The following MYH7B variants were observed in gnomAD, a reference collection of about 807,000 sequenced individuals.
MYH7B encodes the protein myosin heavy chain 7B, also known as myosin-7B.
A neutral mutation model predicts 234.5 loss-of-function variants in MYH7B; 205 were observed. The ratio of observed to expected loss-of-function variants is 0.87; its 90% CI spans 0.78 to 0.98. The LOEUF (loss-of-function observed/expected upper bound fraction) is 0.98. Ranked by LOEUF, MYH7B falls within the 50% of genes least tolerant of loss-of-function variation. The pLI is 0.00. For missense variants in MYH7B, 2,652 were observed against 2,633.4 expected, an observed-to-expected ratio of 1.01 and a Z score of -0.15; for synonymous variants, 1,193 against 1,105.0, an observed-to-expected ratio of 1.08 and a Z score of -1.58.
intron 24 of MYH7B, among the ~76,000 whole-genome samples, chr20:34,992,330 G>A (rs1242750943): frequency 6.7e-6 from 1 of 148,184 alleles, no homozygotes; most frequent in African/African-American, 2.5e-5. Flanking sequence ...AGCTTGCAGT[G>A]AGCAGAGATC....
chr20:34,959,584 TCTC>T (rs2081673347), intron 2 of MYH7B, among the ~76,000 whole-genome samples: 1 of 151,886 alleles, frequency 6.6e-6, no homozygotes, highest in East Asian at 1.9e-4. Flanking sequence ...TTCAGGCAAT[TCTC>T]CTGCCTCAGT....
At position 34,999,925 on chromosome 20, in the gene MYH7B, C is replaced by A. The variant is rs757182085; in HGVS notation, c.4781+19C>A. ...ACCTGAGGTGTGTCCATCCTTCTCC[C>A]GTCCCCACCTCCCGAGAGCAGAAGG... On this transcript the variant is annotated intron_variant, in intron 38 of 44. Coordinates refer to ENST00000262873, the Ensembl canonical transcript of MYH7B. 1 of 1,601,188 alleles carries A rather than the reference C, an allele frequency of 6.2e-7. No homozygotes were observed. The highest frequency in any genetic ancestry group is 1.7e-5 in the Admixed American group (1 of 59,674).
At chr20:34,989,214 G>T (rs910936630) in intron 19 of MYH7B, among the ~76,000 whole-genome samples, 2 of 152,242 alleles carry the variant, frequency 1.3e-5, no homozygotes, top group African/African-American at 2.4e-5. Context: ...TGCAGTGGAT[G>T]AGTTTCATAC....
At chr20:34,989,235 T>G (rs1481774209) in intron 19 of MYH7B, among the ~76,000 whole-genome samples, 1 of 152,248 alleles carries the variant, frequency 6.6e-6, no homozygotes, top group Admixed American at 6.5e-5. Context: ...GATGCATTTC[T>G]GCAGTCCCCT....
At chr20:34,975,654 T>C (rs2081843201) in intron 3 of MYH7B, among the ~76,000 whole-genome samples, 155 bp downstream of exon 3, 1 of 152,226 alleles carries the variant, frequency 6.6e-6, no homozygotes, top group Non-Finnish European at 1.5e-5. Flanking sequence ...GGAGACACAC[T>C]GTAGGACTAA....
intron 2 of MYH7B, among the ~76,000 whole-genome samples, chr20:34,964,804 A>C (rs2081728815): frequency 6.6e-6 from 1 of 152,166 alleles, no homozygotes; most frequent in African/African-American, 2.4e-5. Flanking sequence ...TAAGGATGAG[A>C]GGTCACAGTG....
chr20:34,989,945 C>T, intron 20 of MYH7B, 26 bp downstream of exon 20: 1 of 1,612,842 alleles, frequency 6.2e-7, no homozygotes, highest in Non-Finnish European at 8.5e-7. Flanking sequence ...AACCCCAGCC[C>T]TCGGCCAGGC....
rs1255622130 is a variant in MYH7B at position 34,965,339 on chromosome 20, GA to G, written c.-222+7128del. Among the ~76,000 whole-genome samples, 3 of 152,288 alleles carry G rather than the reference GA, an allele frequency of 2.0e-5. No homozygotes were observed. The East Asian group carries it at 5.8e-4, about 29-fold the overall frequency. ...GCCGAATCCACTAGAGCAAAGAAAA[GA>G]GAGGCTTGCCCAGGCTTGGGTGAGA... is the stretch of plus-strand genomic sequence containing the variant. On this transcript the variant is annotated intron_variant, in intron 2 of 44. Transcript: ENST00000262873.
At chr20:34,981,191 T>C in intron 9 of MYH7B, 131 bp downstream of exon 9, 1 of 1,174,964 alleles carries the variant, frequency 8.5e-7, no homozygotes, top group Non-Finnish European at 1.2e-6. Context: ...GGAGCTAGTG[T>C]CCCAGCTGAA....
At chr20:34,997,670 C>T (rs1472252667) in intron 32 of MYH7B, 30 bp downstream of exon 32, 4 of 1,610,720 alleles carry the variant, frequency 2.5e-6, no homozygotes, top group Admixed American at 1.7e-5. Flanking sequence ...CCCATACCCA[C>T]CCTGACTTTA....
At chr20:34,987,068 T>C in intron 15 of MYH7B, 79 bp downstream of exon 15, 1 of 1,609,920 alleles carries the variant, frequency 6.2e-7, no homozygotes, top group Non-Finnish European at 8.5e-7. Flanking sequence ...CCCAGCTGCA[T>C]GAATGGTCCC....
At chr20:35,002,311 A>AAT in exon 45 of MYH7B, 1 of 1,083,088 alleles carries the variant, frequency 9.2e-7, no homozygotes, top group Non-Finnish European at 1.3e-6. Context: ...CTGGGCCCTG[A>AAT]ATAAACACCA....
intron 37 of MYH7B, 38 bp from the exon 38 acceptor site, chr20:34,999,753 C>T (rs749277229): frequency 6.8e-5 from 69 of 1,010,342 alleles, no homozygotes; most frequent in Admixed American, 4.2e-4. Context: ...CTGGCCATCC[C>T]CCCCCCCCAC....
At chr20:35,002,238 G>A in exon 45 of MYH7B, 6 of 1,502,564 alleles carry the variant, frequency 4.0e-6, no homozygotes, top group Non-Finnish European at 5.3e-6. Flanking sequence ...TTGCACATCT[G>A]GCTGAGGCCA....
exon 6 of MYH7B, chr20:34,979,450 C>T (rs374033797): frequency 1.1e-5 from 17 of 1,613,844 alleles, no homozygotes; most frequent in African/African-American, 5.3e-5. Context: ...GAGGTCAAGT[C>T]GGAGGCTACC....
chr20:34,977,857 G>A (rs1182283860), intron 4 of MYH7B, 77 bp from the exon 5 acceptor site: 4 of 1,581,968 alleles, frequency 2.5e-6, no homozygotes, highest in Non-Finnish European at 2.6e-6. Context: ...GGAGCCAGAG[G>A]GAGTCGCCTA....
intron 2 of MYH7B, among the ~76,000 whole-genome samples, chr20:34,965,824 C>G (rs974318436): frequency 1.3e-5 from 2 of 152,116 alleles, no homozygotes; most frequent in Non-Finnish European, 2.9e-5. Flanking sequence ...CAGAAAGGAG[C>G]TGGTTTAGTT....
rs1009862651 is a variant in MYH7B at position 34,988,395 on chromosome 20, T to C, written c.1587+133T>C. ...GTGTGACTGTGCGTTGCAGTAAGCATGCATGTGAGTGTAGTTGTGACAGCG... is the reference window on the plus strand; with the variant it reads ...GTGTGACTGTGCGTTGCAGTAAGCACGCATGTGAGTGTAGTTGTGACAGCG... On this transcript the variant is annotated intron_variant, in intron 19 of 44. Transcript: ENST00000262873. 1.1e-5 allele frequency: 11 copies of C among 999,210 alleles called. No individual in the cohort carries two copies. The Admixed American group carries it at 2.7e-4, about 24-fold the overall frequency. 61.9% of individuals were successfully genotyped at this position (999,210 alleles called of 1,614,324 possible).
chr20:35,000,246 A>C, intron 38 of MYH7B, 47 bp from the exon 39 acceptor site: 1 of 1,513,002 alleles, frequency 6.6e-7, no homozygotes, highest in Non-Finnish European at 8.8e-7. Context: ...TTGTAAGGAC[A>C]GGTATGCCCT....
Sources: gnomAD v4.1 joint callset for allele counts (sites outside exome capture counted in the v4.1 genomes callset) on GRCh38, gnomAD v4.1.1 for gene constraint, MANE v1.5 for transcripts, NCBI Gene and HGNC (gene_info 2026-07-23, HGNC 2026-07-21) for gene names.